ANKRD44: variants seen among roughly 807,000 people sequenced by gnomAD.
ANKRD44 encodes the protein ankyrin repeat domain 44.
Under a neutral mutation model 116.0 loss-of-function variants are expected in ANKRD44, and 35 were observed. The ratio of observed to expected loss-of-function variants is 0.30; its 90% CI spans 0.23 to 0.40. ANKRD44 has a LOEUF of 0.40. ANKRD44 is among the 10% of genes least tolerant of loss of function. ANKRD44 has a pLI of 1.00. For missense variants in ANKRD44, 1,014 were observed against 1,242.6 expected (o/e 0.82, Z 2.77); for synonymous variants, 435 against 461.8 (o/e 0.94, Z 0.74).
At chr2:197,179,141 T>C (rs1045494092) in intron 2 of ANKRD44, among the ~76,000 whole-genome samples, 7 of 152,224 alleles carry the variant, frequency 4.6e-5, no homozygotes, top group African/African-American at 1.7e-4. Flanking sequence ...CTGGACTTTC[T>C]AGTCTGTTCT....
chr2:197,287,894 C>G (rs1287503617), intron 1 of ANKRD44, among the ~76,000 whole-genome samples: 1 of 151,736 alleles, frequency 6.6e-6, no homozygotes, highest in Non-Finnish European at 1.5e-5. Context: ...GTGGCACACA[C>G]CTGTAGTCCC....
At chr2:196,995,482 T>G in intron 25 of ANKRD44, 21 bp from the exon 26 acceptor site, 2 of 1,541,546 alleles carry the variant, frequency 1.3e-6, no homozygotes, top group South Asian at 2.4e-5. Flanking sequence ...AAAAGAATGA[T>G]AAGAAATGCA....
intron 13 of ANKRD44, among the ~76,000 whole-genome samples, chr2:197,083,977 T>A (rs897679988): frequency 2.0e-5 from 3 of 152,158 alleles, no homozygotes; most frequent in Non-Finnish European, 2.9e-5. Flanking sequence ...CTTTTTTGGA[T>A]CATTGCAAGC....
At chr2:197,069,206 A>AT (rs2077508271) in intron 16 of ANKRD44, among the ~76,000 whole-genome samples, 1 of 152,056 alleles carries the variant, frequency 6.6e-6, no homozygotes, top group South Asian at 2.1e-4. Flanking sequence ...GGAGAAAAAA[A>AT]CCAAACACTG....
intron 2 of ANKRD44, chr2:197,147,847 T>C (rs932648106): frequency 3.3e-5 from 15 of 455,298 alleles, no homozygotes; most frequent in African/African-American, 3.0e-4. Flanking sequence ...TTTCTGAGAA[T>C]GTTGACATTA....
intron 21 of ANKRD44, among the ~76,000 whole-genome samples, chr2:196,967,877 T>C (rs2075685200): frequency 6.6e-6 from 1 of 151,656 alleles, no homozygotes; most frequent in Non-Finnish European, 1.5e-5. Context: ...GTGGGAGGTG[T>C]CTGGGTCATT....
intron 1 of ANKRD44, among the ~76,000 whole-genome samples, chr2:197,254,622 CACACACACATAT>C (rs926972957): frequency 7.1e-6 from 1 of 140,994 alleles, no homozygotes. Context: ...CACACACACA[CACACACACATAT>C]ATATATTTGC....
At chr2:197,101,131 A>G (rs943412539) in intron 9 of ANKRD44, among the ~76,000 whole-genome samples, 2 of 152,152 alleles carry the variant, frequency 1.3e-5, no homozygotes, top group Admixed American at 1.3e-4. Context: ...GCTTTATAAT[A>G]GTTATCTTGT....
intron 1 of ANKRD44, 53 bp from the exon 2 acceptor site, chr2:197,187,159 A>G (rs755785063): frequency 3.2e-5 from 48 of 1,481,460 alleles, no homozygotes; most frequent in Non-Finnish European, 4.4e-5. Flanking sequence ...ATCTGATCAC[A>G]TACAGATGCA....
rs575469299 is a variant in ANKRD44 at position 196,990,090 on chromosome 2, G to A, written c.2924-441C>T. The A allele has an allele frequency of 9.5e-5, 95 of 1,005,204 alleles. No individual in the cohort carries two copies. The African/African-American group carries it at 1.5e-3, about 16-fold the overall frequency. 62.3% of individuals were successfully genotyped at this position (1,005,204 alleles called of 1,614,324 possible). On this transcript the variant is annotated intron_variant, in intron 27 of 27. Transcript: ENST00000282272. ...TTCAATTCATCTGGCAACTTTAACA[G>A]AGATCCTCAGAAAGAAGTTCTGGAT...
intron 16 of ANKRD44, among the ~76,000 whole-genome samples, chr2:197,062,060 C>T (rs553211346): frequency 2.0e-5 from 3 of 152,334 alleles, no homozygotes; most frequent in South Asian, 2.1e-4. Context: ...GGATTATAGG[C>T]GTGAGCCACC....
intron 16 of ANKRD44, among the ~76,000 whole-genome samples, chr2:197,059,956 A>G (rs1353110077): frequency 6.6e-6 from 1 of 152,180 alleles, no homozygotes; most frequent in Non-Finnish European, 1.5e-5. Flanking sequence ...CATTCACACA[A>G]ATGGTGAGGT....
chr2:197,146,816 A>C (rs1312703502), intron 3 of ANKRD44, among the ~76,000 whole-genome samples: 1 of 152,204 alleles, frequency 6.6e-6, no homozygotes, highest in Non-Finnish European at 1.5e-5. Context: ...TCAGACTTTC[A>C]AAGCAAGATA....
At chr2:196,967,672 A>G (rs555974757) in intron 21 of ANKRD44, among the ~76,000 whole-genome samples, 1 of 152,210 alleles carries the variant, frequency 6.6e-6, no homozygotes, top group Non-Finnish European at 1.5e-5. Flanking sequence ...GCAATAAACA[A>G]TGTAGGACTC....
intron 16 of ANKRD44, among the ~76,000 whole-genome samples, chr2:197,050,992 A>C (rs1159453815): frequency 7.2e-6 from 1 of 139,324 alleles, no homozygotes; most frequent in Non-Finnish European, 1.5e-5. Flanking sequence ...TTTTTGAGAC[A>C]GGCTCTGTTG....
At chr2:197,078,965 A>G (rs2077733567) in intron 15 of ANKRD44, 151 bp from the exon 16 acceptor site, 2 of 363,034 alleles carry the variant, frequency 5.5e-6, no homozygotes, top group Non-Finnish European at 4.8e-6. Flanking sequence ...TTATGTGTTG[A>G]AAATTGTGTG....
chr2:196,979,580 T>TTTTTA (rs2075786167), intron 21 of ANKRD44, among the ~76,000 whole-genome samples: 2 of 91,660 alleles, frequency 2.2e-5, no homozygotes, highest in Admixed American at 1.3e-4. Context: ...TTTTTTTTTT[T>TTTTTA]AAGACAGAGT....
intron 1 of ANKRD44, among the ~76,000 whole-genome samples, chr2:197,189,121 G>C (rs982542465): frequency 9.9e-5 from 15 of 152,068 alleles, no homozygotes; most frequent in Admixed American, 4.6e-4. Context: ...GCTGTTTATT[G>C]CTAGTTTGGG....
At chr2:197,022,696 T>C (rs941359248) in intron 17 of ANKRD44, among the ~76,000 whole-genome samples, 41 of 152,322 alleles carry the variant, frequency 2.7e-4, no homozygotes, top group African/African-American at 8.2e-4. Flanking sequence ...TGAGATTCTA[T>C]GCTACGTAAA....
Sources: allele counts gnomAD v4.1 joint callset (sites outside exome capture counted in the v4.1 genomes callset), GRCh38; gene constraint gnomAD v4.1.1; transcripts MANE v1.5; gene names NCBI Gene and HGNC (gene_info 2026-07-23, HGNC 2026-07-21).